ZMIZ1: variants seen among roughly 807,000 people sequenced by gnomAD.
ZMIZ1 encodes zinc finger MIZ-type containing 1.
In ZMIZ1, 17 loss-of-function variants were observed where a neutral mutation model predicts 113.9. The ratio of observed to expected loss-of-function variants is 0.15; its 90% confidence interval spans 0.10 to 0.22. The LOEUF (loss-of-function observed/expected upper bound fraction) is 0.22, where lower values mean the gene tolerates loss of function less well. ZMIZ1 is among the 10% of genes least tolerant of loss of function. The probability of loss-of-function intolerance (pLI) is 1.00; values close to 1 mark genes in which losing one functional copy is unlikely to be tolerated. For missense variants in ZMIZ1, 1,059 were observed against 1,477.8 expected, an observed-to-expected ratio of 0.72 and a Z score of 4.65; for synonymous variants, 607 against 603.1, an observed-to-expected ratio of 1.01 and a Z score of -0.09.
intron 7 of ZMIZ1, among the ~76,000 whole-genome samples, chr10:79,231,873 C>T (rs1299554639): frequency 7.9e-5 from 12 of 152,202 alleles, no homozygotes; most frequent in African/African-American, 2.2e-4. Flanking sequence ...CCACCGTGCC[C>T]GGTCATGCCT....
chr10:79,305,144 G>T lies in ZMIZ1; in HGVS notation c.2287-20G>T, dbSNP rs778786945. On this transcript the variant is annotated intron_variant, in intron 19 of 24. Transcript: ENST00000334512. Reference sequence around the variant, plus strand: ...TTCTGACAGTCCTGGTCTCACCTGTGTCTGTCTGTCTGTCTGCAGTGCTTT... The same window carrying T: ...TTCTGACAGTCCTGGTCTCACCTGTTTCTGTCTGTCTGTCTGCAGTGCTTT... 2 of 1,611,750 alleles carry T rather than the reference G, an allele frequency of 1.2e-6. No homozygotes were observed. The highest frequency in any genetic ancestry group is 1.7e-6 in the Non-Finnish European group (2 of 1,178,184).
rs999878172 is a variant in ZMIZ1, at chr10:79,269,942, C to G, written c.281-7239C>G. Among the ~76,000 whole-genome samples the G allele has an allele frequency of 2.0e-4, 30 of 152,364 alleles. 1 individual carries two copies. The highest frequency in any genetic ancestry group is 4.1e-4 in the South Asian group (2 of 4,830). On this transcript the variant is annotated intron_variant, in intron 7 of 24. Transcript: ENST00000334512. ...AACAAAGGCTGGTCACTCGGCCTGT[C>G]TGAACAGTACATGTAGATCCACCCT... is the stretch of plus-strand genomic sequence containing the variant.
At chr10:79,161,066 G>A (rs1243923186) in intron 3 of ZMIZ1, among the ~76,000 whole-genome samples, 1 of 152,192 alleles carries the variant, frequency 6.6e-6, no homozygotes, top group Non-Finnish European at 1.5e-5. Flanking sequence ...AGTAGGGGGC[G>A]TGTTGGTGGG....
chr10:79,298,681 A>C, intron 15 of ZMIZ1, 101 bp downstream of exon 15: 7 of 1,144,050 alleles, frequency 6.1e-6, no homozygotes, highest in Non-Finnish European at 7.4e-6. Flanking sequence ...TGGGCATCAG[A>C]AGGGGCAGAG....
chr10:79,238,768 TGC>T (rs1564542557), intron 7 of ZMIZ1, among the ~76,000 whole-genome samples: 2 of 152,230 alleles, frequency 1.3e-5, no homozygotes, highest in African/African-American at 4.8e-5. Flanking sequence ...TAAACCTCCC[TGC>T]GCCTCTGTTT....
At chr10:79,237,565 G>A (rs373063238) in intron 7 of ZMIZ1, among the ~76,000 whole-genome samples, 325 of 152,284 alleles carry the variant, frequency 2.1e-3, no homozygotes, top group Non-Finnish European at 3.5e-3. Context: ...TTCTTGGCTT[G>A]TGGCAACATA....
chr10:79,269,081 G>A (rs1202016374), intron 7 of ZMIZ1, among the ~76,000 whole-genome samples: 1 of 152,046 alleles, frequency 6.6e-6, no homozygotes, highest in Non-Finnish European at 1.5e-5. Flanking sequence ...CATGTCAGAG[G>A]GGAGAGTGTG....
intron 2 of ZMIZ1, among the ~76,000 whole-genome samples, chr10:79,132,691 G>A (rs956381701): frequency 3.3e-5 from 5 of 152,224 alleles, no homozygotes; most frequent in Non-Finnish European, 7.3e-5. Flanking sequence ...GTGGTGAGCT[G>A]GGGTTTGGGT....
At chr10:79,258,402 G>A (rs1222724806) in intron 7 of ZMIZ1, among the ~76,000 whole-genome samples, 2 of 152,114 alleles carry the variant, frequency 1.3e-5, no homozygotes, top group Admixed American at 1.3e-4. Context: ...AAAAAAAGAA[G>A]AAGAAGAAGA....
chr10:79,156,425 C>A (rs534070337), intron 3 of ZMIZ1, among the ~76,000 whole-genome samples: 19 of 152,198 alleles, frequency 1.2e-4, no homozygotes, highest in Non-Finnish European at 2.6e-4. Flanking sequence ...TTCCCACGAT[C>A]TCAGCTTGCC....
At chr10:79,151,864 G>C (rs1359844099) in intron 3 of ZMIZ1, among the ~76,000 whole-genome samples, 1 of 152,174 alleles carries the variant, frequency 6.6e-6, no homozygotes, top group African/African-American at 2.4e-5. Context: ...GTGGAGTCAC[G>C]GGCTGGGTGG....
In ZMIZ1 at chr10:79,296,600, C is replaced by G; in HGVS notation, c.1360C>G (p.Pro454Ala). The G allele has an allele frequency of 6.2e-7, 1 of 1,610,910 alleles. No individual in the cohort carries two copies. Among genetic ancestry groups the G allele is most frequent in the Non-Finnish European group, 8.5e-7 (1 of 1,178,278 alleles). Residue 454 changes from proline (P) to alanine (A), a missense_variant, in exon 13 of 25, where the codon CCG (proline) becomes GCG (alanine). Physicochemically the swap from Pro to Ala is conservative, Grantham distance 27. Transcript: ENST00000334512. This position sits in a 1 kb window ranked among gnomAD's most constrained non-coding sequence, Gnocchi z 4.1. ...NYPGQRMPSQPSSGQYPPPTV... is the reference protein window; with the variant it reads ...NYPGQRMPSQASSGQYPPPTV... Reference sequence around the variant, plus strand: ...CCCAGGACAGAGGATGCCCAGCCAGCCGAGCTCCGGGCAGTACCCGCCCCC... The same window carrying G: ...CCCAGGACAGAGGATGCCCAGCCAGGCGAGCTCCGGGCAGTACCCGCCCCC...
At chr10:79,158,601 C>T (rs973557828) in intron 3 of ZMIZ1, among the ~76,000 whole-genome samples, 9 of 152,224 alleles carry the variant, frequency 5.9e-5, no homozygotes, top group African/African-American at 1.9e-4. Context: ...TCCTAAATTT[C>T]GGGCACCACT....
chr10:79,269,897 CACCCG>C (rs1851848636), intron 7 of ZMIZ1, among the ~76,000 whole-genome samples: 1 of 152,342 alleles, frequency 6.6e-6, no homozygotes. Flanking sequence ...CTCCCCGTGA[CACCCG>C]ACCCGATCGA....
intron 1 of ZMIZ1, among the ~76,000 whole-genome samples, chr10:79,088,634 GC>G (rs964378647): frequency 6.6e-6 from 1 of 152,190 alleles, no homozygotes; most frequent in African/African-American, 2.4e-5. Context: ...CTGCAAGGAG[GC>G]TTAGGGGTCC....
chr10:79,165,948 CTGTG>C (rs1174980856), intron 4 of ZMIZ1, among the ~76,000 whole-genome samples: 2,317 of 59,300 alleles, frequency 0.039, 38 homozygotes, highest in South Asian at 0.059. Context: ...CCCAGCTCAG[CTGTG>C]TGTGTGTGTG....
chr10:79,076,885 A>G (rs186851110), intron 1 of ZMIZ1, among the ~76,000 whole-genome samples: 6 of 152,172 alleles, frequency 3.9e-5, no homozygotes, highest in African/African-American at 7.2e-5. Context: ...GGAGGGTACA[A>G]GGTTTCTCAT....
At chr10:79,171,485 T>A (rs1485279531) in intron 4 of ZMIZ1, among the ~76,000 whole-genome samples, 1 of 152,202 alleles carries the variant, frequency 6.6e-6, no homozygotes. Flanking sequence ...TCCACTGCTC[T>A]CTCTATCTGT....
chr10:79,182,462 G>C (rs151276699), intron 4 of ZMIZ1, among the ~76,000 whole-genome samples: 2 of 152,282 alleles, frequency 1.3e-5, no homozygotes, highest in Admixed American at 6.5e-5. Flanking sequence ...TTTGGGGGGA[G>C]AGTGTCAGCT....
Sources: allele counts gnomAD v4.1 joint callset (sites outside exome capture counted in the v4.1 genomes callset), GRCh38; gene constraint gnomAD v4.1.1; non-coding constraint Gnocchi (gnomAD v3.1); transcripts MANE v1.5; gene names NCBI Gene and HGNC (gene_info 2026-07-23, HGNC 2026-07-21).